PDE11A: variants seen among roughly 807,000 people sequenced by gnomAD.
PDE11A encodes dual 3',5'-cyclic-AMP and -GMP phosphodiesterase 11A.
A neutral mutation model predicts 100.5 loss-of-function variants in PDE11A; 100 were observed. That is an observed-to-expected ratio of 1.00 (90% CI 0.85 to 1.18). The LOEUF (loss-of-function observed/expected upper bound fraction) is 1.18. PDE11A is among the 50% of genes most tolerant of loss of function. The pLI is 0.00. For missense variants in PDE11A, 1,141 were observed against 1,152.6 expected (o/e 0.99, Z 0.15); for synonymous variants, 381 against 420.8 (o/e 0.91, Z 1.16).
intron 1 of PDE11A, among the ~76,000 whole-genome samples, chr2:178,048,483 C>A (rs1158424692): frequency 1.3e-5 from 2 of 152,124 alleles, no homozygotes; most frequent in African/African-American, 4.8e-5. Flanking sequence ...CCCGTCCACC[C>A]TTTGGATCCA....
At chr2:177,730,684 A>G (rs1574086838) in intron 10 of PDE11A, among the ~76,000 whole-genome samples, 2 of 152,132 alleles carry the variant, frequency 1.3e-5, no homozygotes, top group South Asian at 2.1e-4. Flanking sequence ...ATAGTACCCT[A>G]ATTTTATTTC....
chr2:177,679,382 A>G (rs79344081), intron 16 of PDE11A, among the ~76,000 whole-genome samples: 11,986 of 152,210 alleles, frequency 0.079, 575 homozygotes, highest in East Asian at 0.19. Context: ...AATTTATGTT[A>G]AAATAGACAA....
intron 2 of PDE11A, among the ~76,000 whole-genome samples, chr2:177,908,825 C>T (rs990754503): frequency 6.6e-6 from 1 of 152,200 alleles, no homozygotes; most frequent in African/African-American, 2.4e-5. Context: ...ATCTCTTCAT[C>T]CTCATCCAAT....
chr2:177,893,779 T>C (rs1574258375), intron 4 of PDE11A, among the ~76,000 whole-genome samples: 1 of 152,148 alleles, frequency 6.6e-6, no homozygotes, highest in South Asian at 2.1e-4. Context: ...TCATTGATAA[T>C]AATAAGGAAA....
intron 2 of PDE11A, among the ~76,000 whole-genome samples, chr2:178,096,223 G>C (rs1316734948): frequency 6.8e-6 from 1 of 145,988 alleles, no homozygotes; most frequent in Non-Finnish European, 1.5e-5. Flanking sequence ...GAGTGCAGTG[G>C]CATGATCTCA....
At chr2:178,050,457 G>A (rs13391502) in intron 1 of PDE11A, among the ~76,000 whole-genome samples, 44,218 of 151,990 alleles carry the variant, frequency 0.29, 6,587 homozygotes, top group Non-Finnish European at 0.31. Flanking sequence ...CTCCTCTAAC[G>A]GAACGCAGCT....
At chr2:177,961,609 G>C (rs1247618081) in intron 2 of PDE11A, among the ~76,000 whole-genome samples, 1 of 151,888 alleles carries the variant, frequency 6.6e-6, no homozygotes, top group Admixed American at 6.6e-5. Flanking sequence ...ATAATGGAAA[G>C]TCAATACATA....
chr2:177,850,972 G>A (rs558869554), intron 5 of PDE11A, among the ~76,000 whole-genome samples: 29 of 152,236 alleles, frequency 1.9e-4, no homozygotes, highest in African/African-American at 7.0e-4. Context: ...GTGGAAGACA[G>A]TGTGGCGACT....
At chr2:177,712,119 A>G (rs570770018) in intron 12 of PDE11A, among the ~76,000 whole-genome samples, 92 of 152,330 alleles carry the variant, frequency 6.0e-4, no homozygotes, top group African/African-American at 2.2e-3. Flanking sequence ...AGTTCAGACT[A>G]TTTTGTTCCC....
chr2:178,036,969 C>T lies in PDE11A; in HGVS notation c.913-22509G>A, dbSNP rs567815787. On this transcript the variant is annotated intron_variant, in intron 1 of 19. Transcript: ENST00000286063. ...TTCAGGACATAGGCATGGGCAAAGACTTCATGACTAAAACACCAAAAGCAA... is the reference window on the plus strand; with the variant it reads ...TTCAGGACATAGGCATGGGCAAAGATTTCATGACTAAAACACCAAAAGCAA... 3.3e-5 allele frequency among the ~76,000 whole-genome samples: 5 copies of T among 152,274 alleles called. No individual in the cohort carries two copies. In the East Asian group the frequency reaches 9.6e-4, roughly 29 times the overall value.
At chr2:177,876,366 T>C (rs1372184081) in intron 4 of PDE11A, among the ~76,000 whole-genome samples, 1 of 125,170 alleles carries the variant, frequency 8.0e-6, no homozygotes, top group Non-Finnish European at 1.7e-5. Context: ...GGCTCATCAT[T>C]GTTCTCAGGT....
At chr2:177,879,321 A>G (rs1189956054) in intron 4 of PDE11A, among the ~76,000 whole-genome samples, 1 of 152,172 alleles carries the variant, frequency 6.6e-6, no homozygotes, top group Non-Finnish European at 1.5e-5. Context: ...TTTAGAACCA[A>G]CTTTGCCACT....
At chr2:177,804,331 T>C (rs1898590) in intron 9 of PDE11A, among the ~76,000 whole-genome samples, 146,053 of 152,116 alleles carry the variant, frequency 0.96, 70,391 homozygotes, top group Middle Eastern at 1. Context: ...GAAAAAAATG[T>C]TTGACATCAC....
chr2:177,697,139 C>T (rs1019052683), intron 15 of PDE11A, among the ~76,000 whole-genome samples, 193 bp downstream of exon 15: 1 of 152,158 alleles, frequency 6.6e-6, no homozygotes, highest in African/African-American at 2.4e-5. Context: ...GACTGTAGTC[C>T]TGACTCTCTT....
intron 2 of PDE11A, among the ~76,000 whole-genome samples, chr2:177,936,903 C>G (rs900771587): frequency 1.3e-5 from 2 of 150,540 alleles, no homozygotes; most frequent in Non-Finnish European, 3.0e-5. Flanking sequence ...GCCTTGGTGA[C>G]AAGAGAAGGA....
chr2:177,951,439 A>G (rs1375058366), intron 2 of PDE11A, among the ~76,000 whole-genome samples: 1 of 150,842 alleles, frequency 6.6e-6, no homozygotes, highest in African/African-American at 2.4e-5. Flanking sequence ...GATAGTTTAT[A>G]TTTTTTTCAG....
chr2:178,027,044 C>A (rs1447334374), intron 1 of PDE11A, among the ~76,000 whole-genome samples: 1 of 152,120 alleles, frequency 6.6e-6, no homozygotes, highest in Non-Finnish European at 1.5e-5. Flanking sequence ...CAATATCTAG[C>A]TTTATTGAAA....
At chr2:177,819,868 T>TTCTC (rs34374310) in intron 7 of PDE11A, among the ~76,000 whole-genome samples, 1,950 of 139,168 alleles carry the variant, frequency 0.014, 34 homozygotes, top group African/African-American at 0.036. Context: ...CTTTCTCTCT[T>TTCTC]TCTCTCTCTC....
chr2:177,763,035 A>G (rs751056985), intron 10 of PDE11A, among the ~76,000 whole-genome samples: 39 of 152,286 alleles, frequency 2.6e-4, no homozygotes, highest in Non-Finnish European at 3.4e-4. Context: ...CTGATGTGGC[A>G]TTTGATTAAG....
Sources: allele counts gnomAD v4.1 joint callset (sites outside exome capture counted in the v4.1 genomes callset), GRCh38; gene constraint gnomAD v4.1.1; transcripts MANE v1.5; gene names NCBI Gene and HGNC (gene_info 2026-07-23, HGNC 2026-07-21).